Variants in SPRYD7 observed in about 807,000 individuals in gnomAD.
SPRYD7 encodes the protein SPRY domain containing 7, also known as SPRY domain-containing protein 7.
SPRYD7 carries 14 observed loss-of-function variants against 23.8 expected under a neutral mutation model. That is an observed-to-expected ratio of 0.59 (90% CI 0.39 to 0.92). The LOEUF is 0.92. Among genes scored for constraint, SPRYD7 ranks in the 40% least tolerant of loss-of-function variants. The probability of loss-of-function intolerance (pLI) is 0.00; values close to 1 mark genes in which losing one functional copy is unlikely to be tolerated. For synonymous variants in SPRYD7, 75 were observed against 84.9 expected (o/e 0.88, Z 0.64); for missense variants, 194 against 241.7 (o/e 0.80, Z 1.31).
rs1955819931 is a variant in SPRYD7 at position 49,921,489 on chromosome 13, G to A, written c.482C>T (p.Pro161Leu). 1 of 1,608,700 alleles carries A rather than the reference G, an allele frequency of 6.2e-7. No individual in the cohort carries two copies. The highest frequency in any genetic ancestry group is 1.3e-5 in the African/African-American group (1 of 74,790). The change falls in exon 4 of 5, where the codon CCA (proline) becomes CTA (leucine). Residue 161 changes from proline (P) to leucine (L), a missense_variant. Pro to Leu is a moderately conservative substitution (Grantham distance 98, BLOSUM62 -3). Transcript: ENST00000361840. ...PASGIRGTVYPVVYVDDSAIL... is the reference protein window; with the variant it reads ...PASGIRGTVYLVVYVDDSAIL... ...ATATTTTTGCTTACCATAAACAACT[G>A]GATACACTGTCCCTCGTATACCTGA...
intron 2 of SPRYD7, among the ~76,000 whole-genome samples, chr13:49,928,914 C>T (rs1594516913): frequency 6.6e-6 from 1 of 152,086 alleles, no homozygotes; most frequent in South Asian, 2.1e-4. Flanking sequence ...CAATATATAC[C>T]ATAAGCAATA....
chr13:49,923,009 T>C (rs1955837647), intron 3 of SPRYD7, among the ~76,000 whole-genome samples: 1 of 152,226 alleles, frequency 6.6e-6, no homozygotes, highest in Non-Finnish European at 1.5e-5. Flanking sequence ...TAGATTGCCT[T>C]TGCTTCGCTT....
In SPRYD7 at chr13:49,915,158, C is replaced by G; in HGVS notation, c.496G>C (p.Asp166His). The G allele has an allele frequency of 6.7e-7, 1 of 1,498,322 alleles. No individual in the cohort carries two copies. The highest frequency in any genetic ancestry group is 9.1e-7 in the Non-Finnish European group (1 of 1,099,800). The allele number at this position is 1,498,322 out of a possible 1,614,324, so 92.8% of individuals were successfully genotyped here. ...TGGCAATCCAAAATTGCACTGTCAT[C>G]AACTAAAGGATACAAAAAGAAAGAA... is the stretch of plus-strand genomic sequence containing the variant. ...RGTVYPVVYV[D>H]DSAILDCQFS... is the part of the protein sequence containing the mutation. The change falls in exon 5 of 5, where the codon GAT (aspartate) becomes CAT (histidine). Residue 166 changes from aspartate (D) to histidine (H), a missense_variant and splice_region_variant. Transcript: ENST00000361840.
chr13:49,913,434 A>G lies in SPRYD7; in HGVS notation c.*1629T>C, dbSNP rs1218536273. 5 of 141,572 alleles carry G rather than the reference A, an allele frequency of 3.5e-5. No individual in the cohort carries two copies. Among genetic ancestry groups the G allele is most frequent in the African/African-American group, 1.3e-4 (5 of 38,878 alleles). 8.8% of individuals were successfully genotyped at this position (141,572 alleles called of 1,614,324 possible). On this transcript the variant is annotated 3_prime_UTR_variant, in exon 5 of 5. Transcript: ENST00000361840. ...GACTCTGTCTCAAAAAAAAAACGAG[A>G]AAAAAAAAAAAAGAAAGAAAACCAC...
At chr13:49,922,221 C>T (rs972585037) in intron 3 of SPRYD7, among the ~76,000 whole-genome samples, 1 of 149,974 alleles carries the variant, frequency 6.7e-6, no homozygotes, top group African/African-American at 2.5e-5. Flanking sequence ...TAAAATTACT[C>T]GGTACACTAT....
rs938913643 is a variant in SPRYD7 at position 49,934,830 on chromosome 13, A to G, written c.106+1300T>C. Among the ~76,000 whole-genome samples, 7 of 152,334 alleles carry G rather than the reference A, an allele frequency of 4.6e-5. No individual in the cohort carries two copies. The East Asian group carries it at 1.3e-3, about 29-fold the overall frequency. ...AGTGCTGCAGTTGATCATGAGTTCC[A>G]GGAATTATGTATGGTTGTCCTTCAC... On this transcript the variant is annotated intron_variant, in intron 1 of 4. Coordinates refer to ENST00000361840, the MANE Select transcript of SPRYD7 (RefSeq NM_020456.4).
Position 49,931,005 on chromosome 13 carries a change from C to T in SPRYD7, c.223+13G>A. The T allele has an allele frequency of 3.3e-6, 5 of 1,528,412 alleles. No individual in the cohort carries two copies. The highest frequency in any genetic ancestry group is 1.7e-4 in the Middle Eastern group (1 of 5,852). 94.7% of individuals were successfully genotyped at this position (1,528,412 alleles called of 1,614,324 possible). A position where few individuals can be genotyped will look rare whatever the true frequency, so the allele number is the denominator to read the frequency against. ...AATTAGGACTTTTAATAGTAAAGTA[C>T]CATTATACCAACCTGTGGACTGGAT... On this transcript the variant is annotated intron_variant, in intron 2 of 4. Transcript: ENST00000361840.
chr13:49,919,941 T>TG (rs895607059), intron 4 of SPRYD7, among the ~76,000 whole-genome samples: 301 of 149,496 alleles, frequency 2.0e-3, no homozygotes, highest in African/African-American at 7.0e-3. Flanking sequence ...GCATTGGGGG[T>TG]GGGGGGGTGT....
intron 4 of SPRYD7, among the ~76,000 whole-genome samples, chr13:49,919,400 T>TGGG (rs1955790632): frequency 6.6e-6 from 1 of 151,982 alleles, no homozygotes; most frequent in East Asian, 1.9e-4. Flanking sequence ...AAAAATTAGC[T>TGGG]GGGTGTGGTG....
At chr13:49,930,859 C>T (rs372058316) in intron 2 of SPRYD7, among the ~76,000 whole-genome samples, 159 bp downstream of exon 2, 2 of 152,144 alleles carry the variant, frequency 1.3e-5, no homozygotes, top group South Asian at 4.1e-4. Context: ...ACTAAATTAA[C>T]TAATTTACCC....
chr13:49,933,618 A>G (rs1871483953), intron 1 of SPRYD7, among the ~76,000 whole-genome samples: 1 of 151,380 alleles, frequency 6.6e-6, no homozygotes, highest in Non-Finnish European at 1.5e-5. Flanking sequence ...AAAAAAAAGA[A>G]AAAAAAAGAA....
chr13:49,928,868 C>G (rs926103257), intron 2 of SPRYD7, among the ~76,000 whole-genome samples: 1 of 152,136 alleles, frequency 6.6e-6, no homozygotes. Flanking sequence ...TGGGAATGTA[C>G]TGTCTTCAGT....
chr13:49,923,224 G>A (rs978491416), intron 3 of SPRYD7, among the ~76,000 whole-genome samples: 4 of 151,698 alleles, frequency 2.6e-5, no homozygotes, highest in African/African-American at 4.8e-5. Flanking sequence ...CCCAGTGGCC[G>A]ATTGCAAACA....
intron 1 of SPRYD7, among the ~76,000 whole-genome samples, chr13:49,932,736 T>C (rs1306124769): frequency 6.6e-6 from 1 of 152,198 alleles, no homozygotes; most frequent in Non-Finnish European, 1.5e-5. Flanking sequence ...AACAAAATTA[T>C]TTGGTACAAA....
At chr13:49,929,789 A>G (rs1185264634) in intron 2 of SPRYD7, among the ~76,000 whole-genome samples, 1 of 135,350 alleles carries the variant, frequency 7.4e-6, no homozygotes, top group African/African-American at 2.8e-5. Flanking sequence ...CACCACGCCC[A>G]GCCACTTTTT....
At position 49,936,179 on chromosome 13, in the gene SPRYD7, G is replaced by A. The variant is rs1261829083; in HGVS notation, c.57C>T (p.His19=). Residue 19 remains histidine (H), a synonymous_variant, in exon 1 of 5, where the codon CAC becomes CAT. Transcript: ENST00000361840. ...CGGCCGGCATCTCCTTCAGAGGGAT[G>A]TGGCCAGTCCCCCCGTCTCTGCAGC... is the stretch of plus-strand genomic sequence containing the variant. The part of the protein sequence containing the change: ...LRCCRDGGTG[H]IPLKEMPAVQ... 2.5e-6 allele frequency: 4 copies of A among 1,610,030 alleles called. No homozygotes were observed. Among genetic ancestry groups the A allele is most frequent in the Non-Finnish European group, 3.4e-6 (4 of 1,179,054 alleles).
At chr13:49,926,587 A>G (rs994594205) in intron 3 of SPRYD7, among the ~76,000 whole-genome samples, 3 of 152,312 alleles carry the variant, frequency 2.0e-5, no homozygotes, top group Non-Finnish European at 4.4e-5. Context: ...ACTTCCAACA[A>G]TTAAAAACTT....
rs1955736688 is a variant in SPRYD7, at chr13:49,914,987, T to C, written c.*76A>G. On this transcript the variant is annotated 3_prime_UTR_variant, in exon 5 of 5. Transcript: ENST00000361840. ...ATTTTTAAGAATATATTTTCATCTA[T>C]AGGCCAGGTAAAGTTTTATTAAATG... 2.6e-6 allele frequency: 2 copies of C among 759,726 alleles called. No homozygotes were observed. Among genetic ancestry groups the C allele is most frequent in the African/African-American group, 1.8e-5 (1 of 55,566 alleles). The allele number at this position is 759,726 out of a possible 1,614,324, so 47.1% of individuals were successfully genotyped here.
At chr13:49,935,737 G>C (rs916089294) in intron 1 of SPRYD7, 1 of 157,838 alleles carries the variant, frequency 6.3e-6, no homozygotes, top group African/African-American at 2.4e-5. Flanking sequence ...AGACAGGACC[G>C]ACAGTCAGGG....
Sources: allele counts gnomAD v4.1 joint callset (sites outside exome capture counted in the v4.1 genomes callset), GRCh38; gene constraint gnomAD v4.1.1; transcripts MANE v1.5; gene names NCBI Gene and HGNC (gene_info 2026-07-23, HGNC 2026-07-21).